The following PAPSS1 variants were observed in gnomAD, a reference collection of about 807,000 sequenced individuals.
The protein encoded by PAPSS1 is 3'-phosphoadenosine 5'-phosphosulfate synthase 1.
Under a neutral mutation model 72.0 loss-of-function variants are expected in PAPSS1, and 50 were observed. The ratio of observed to expected loss-of-function variants is 0.69; its 90% confidence interval spans 0.55 to 0.88. The LOEUF is 0.88. Among genes scored for constraint, PAPSS1 ranks in the 40% least tolerant of loss-of-function variants. The pLI, the probability that PAPSS1 is intolerant of heterozygous loss-of-function variation, is 0.00. For missense variants in PAPSS1, 657 were observed against 782.2 expected, an observed-to-expected ratio of 0.84 and a Z score of 1.91; for synonymous variants, 261 against 263.6, an observed-to-expected ratio of 0.99 and a Z score of 0.09.
At chr4:107,667,096 A>T (rs1490268504) in intron 5 of PAPSS1, among the ~76,000 whole-genome samples, 1 of 152,194 alleles carries the variant, frequency 6.6e-6, no homozygotes, top group Non-Finnish European at 1.5e-5. Context: ...TGGGGAGCAG[A>T]AAGGCATTAG....
chr4:107,654,849 T>C lies in PAPSS1; in HGVS notation c.947A>G (p.Asp316Gly), dbSNP rs1373228362. Residue 316 changes from aspartate (D) to glycine (G), a missense_variant, in exon 8 of 12, where the codon GAT becomes GGT. Physicochemically the swap from Asp to Gly is moderately conservative, Grantham distance 94. This residue lies in a region of PAPSS1 where 190 missense variants were observed against 176.7 expected (regional missense o/e 1.07). Coordinates refer to ENST00000265174, the MANE Select transcript of PAPSS1 (RefSeq NM_005443.5). ...TGTACAGCCGTCCAGCCTCTCTTTATCTTCATGAGTCGCAGTCAGAACTAT... is the reference window on the plus strand; with the variant it reads ...TGTACAGCCGTCCAGCCTCTCTTTACCTTCATGAGTCGCAGTCAGAACTAT... Reference protein sequence around the residue: ...VPIVLTATHEDKERLDGCTAF... With the variant: ...VPIVLTATHEGKERLDGCTAF... 2 of 1,613,952 alleles carry C rather than the reference T, an allele frequency of 1.2e-6. No individual in the cohort carries two copies. The highest frequency in any genetic ancestry group is 1.1e-5 in the South Asian group (1 of 91,084).
chr4:107,644,186 G>C (rs148475839), intron 10 of PAPSS1, among the ~76,000 whole-genome samples: 2 of 152,222 alleles, frequency 1.3e-5, no homozygotes, highest in East Asian at 3.9e-4. Context: ...CACGGTTCAG[G>C]ACACACTACT....
chr4:107,645,179 T>C (rs1365836937), intron 9 of PAPSS1, 109 bp from the exon 10 acceptor site: 20 of 692,252 alleles, frequency 2.9e-5, no homozygotes, highest in Non-Finnish European at 3.8e-5. Context: ...GCAAAACATA[T>C]GCAAACTCAG....
chr4:107,631,973 C>T (rs1726236169), intron 10 of PAPSS1, 113 bp from the exon 11 acceptor site: 2 of 730,388 alleles, frequency 2.7e-6, no homozygotes, highest in South Asian at 4.1e-5. Flanking sequence ...GGTAGGAAAT[C>T]TCAACAAATT....
rs775952851 is a variant in PAPSS1, at chr4:107,653,625, A to G, written c.1103T>C (p.Met368Thr). The change falls in exon 9 of 12, where the codon ATG becomes ACG. Residue 368 changes from methionine (M) to threonine (T), a missense_variant and splice_region_variant. Physicochemically the swap from Met to Thr is moderately conservative, Grantham distance 81. Around this residue, in one of 7 missense-constraint regions of PAPSS1, gnomAD observed 190 missense variants for 176.7 expected, o/e 1.07. Transcript: ENST00000265174. The part of the protein sequence containing the change: ...TTCKNHPYIK[M>T]VMEQGDWLIG... ...CAGCCAATCTCCTTGTTCCATCACC[A>G]TCTAATAGGAAAAACAAATTTTTTT... 7 of 1,605,952 alleles carry G rather than the reference A, an allele frequency of 4.4e-6. No homozygotes were observed. In the South Asian group the frequency reaches 7.9e-5, roughly 18 times the overall value.
chr4:107,650,276 A>C (rs1726805126), intron 9 of PAPSS1, among the ~76,000 whole-genome samples: 1 of 152,246 alleles, frequency 6.6e-6, no homozygotes, highest in Non-Finnish European at 1.5e-5. Flanking sequence ...TCAGTATAAA[A>C]ATGGAAAAAA....
chr4:107,684,945 GC>G (rs1442204823), intron 4 of PAPSS1, among the ~76,000 whole-genome samples: 2 of 151,544 alleles, frequency 1.3e-5, no homozygotes, highest in African/African-American at 4.9e-5. Context: ...TCGCTCTGTC[GC>G]CCAGGCTAGA....
intron 10 of PAPSS1, among the ~76,000 whole-genome samples, chr4:107,637,664 T>C (rs1232551604): frequency 6.6e-6 from 1 of 152,234 alleles, no homozygotes; most frequent in African/African-American, 2.4e-5. Flanking sequence ...TTAAGTGTAA[T>C]AAATTTTATT....
chr4:107,652,620 G>A (rs553159852), intron 9 of PAPSS1, among the ~76,000 whole-genome samples: 8 of 151,978 alleles, frequency 5.3e-5, no homozygotes, highest in African/African-American at 1.7e-4. Flanking sequence ...TGGCATACTG[G>A]CATATAAAGA....
chr4:107,617,306 C>A (rs1281312225), intron 11 of PAPSS1, among the ~76,000 whole-genome samples: 5 of 151,138 alleles, frequency 3.3e-5, no homozygotes, highest in Non-Finnish European at 5.9e-5. Context: ...ATCAACTTGA[C>A]ACTTGGTTCC....
At chr4:107,672,910 C>T (rs28893009) in intron 5 of PAPSS1, among the ~76,000 whole-genome samples, 36,615 of 152,046 alleles carry the variant, frequency 0.24, 5,007 homozygotes, top group Middle Eastern at 0.34. Flanking sequence ...CACCAATATC[C>T]GCTGTTCTGC....
intron 10 of PAPSS1, 87 bp from the exon 11 acceptor site, chr4:107,631,947 T>C: frequency 1.3e-6 from 1 of 777,550 alleles, no homozygotes; most frequent in Non-Finnish European, 2.0e-6. Context: ...CATATGCTTT[T>C]TATAAAATCA....
intron 8 of PAPSS1, among the ~76,000 whole-genome samples, chr4:107,653,971 C>G (rs72673590): frequency 6.6e-6 from 1 of 152,278 alleles, no homozygotes; most frequent in Non-Finnish European, 1.5e-5. Flanking sequence ...TTCTCCAATC[C>G]TAACCTTTTG....
chr4:107,683,942 C>G (rs1326078568), intron 4 of PAPSS1, among the ~76,000 whole-genome samples: 2 of 147,078 alleles, frequency 1.4e-5, no homozygotes, highest in African/African-American at 2.5e-5. Context: ...CATGGCAAAC[C>G]TAAGTATCAG....
intron 5 of PAPSS1, among the ~76,000 whole-genome samples, chr4:107,672,932 C>T (rs940979279): frequency 2.0e-5 from 3 of 152,220 alleles, no homozygotes; most frequent in African/African-American, 7.2e-5. Context: ...GCCTCCGCTG[C>T]TGATACCCAG....
intron 11 of PAPSS1, among the ~76,000 whole-genome samples, chr4:107,615,238 T>C (rs933679492): frequency 1.3e-5 from 2 of 152,204 alleles, no homozygotes; most frequent in African/African-American, 2.4e-5. Flanking sequence ...CGTATAGCTA[T>C]GGCATATATT....
chr4:107,694,189 T>C lies in PAPSS1; in HGVS notation c.176-183A>G, dbSNP rs555121116. 28 of 554,944 alleles carry C rather than the reference T, an allele frequency of 5.0e-5. 1 individual carries two copies. The highest frequency in any genetic ancestry group is 1.9e-4 in the South Asian group (8 of 41,510). 34.4% of individuals were successfully genotyped at this position (554,944 alleles called of 1,614,324 possible). On this transcript the variant is annotated intron_variant, in intron 2 of 11. Coordinates refer to ENST00000265174, the MANE Select transcript of PAPSS1 (RefSeq NM_005443.5). ...AGAGATCATGCCTCAGCCTTCCAAA[T>C]AGCTAGGACAACAGGCACATGCCAC...
At chr4:107,716,872 T>C (rs1353013696) in intron 1 of PAPSS1, among the ~76,000 whole-genome samples, 3 of 152,202 alleles carry the variant, frequency 2.0e-5, no homozygotes, top group African/African-American at 4.8e-5. Context: ...CTCCCACGAG[T>C]ACACTTCCTT....
chr4:107,663,467 T>C (rs1391133277), intron 5 of PAPSS1, among the ~76,000 whole-genome samples: 1 of 152,138 alleles, frequency 6.6e-6, no homozygotes, highest in Admixed American at 6.5e-5. Flanking sequence ...GAGGATAATA[T>C]TAGTGAGAAC....
Sources: allele counts gnomAD v4.1 joint callset (sites outside exome capture counted in the v4.1 genomes callset), GRCh38; gene constraint gnomAD v4.1.1; regional missense constraint gnomAD v4.1.1; transcripts MANE v1.5; gene names NCBI Gene and HGNC (gene_info 2026-07-23, HGNC 2026-07-21).